TESMIN: variants seen among roughly 807,000 people sequenced by gnomAD.
TESMIN encodes the protein testis expressed metallothionein like protein.
A neutral mutation model predicts 47.4 loss-of-function variants in TESMIN; 34 were observed. The ratio of observed to expected loss-of-function variants is 0.72; its 90% CI spans 0.55 to 0.96. TESMIN has a LOEUF of 0.96. Among genes scored for constraint, TESMIN ranks in the 40% least tolerant of loss-of-function variants. TESMIN has a pLI of 0.00. For synonymous variants in TESMIN, 278 were observed against 258.9 expected, an observed-to-expected ratio of 1.07 and a Z score of -0.71; for missense variants, 610 against 637.2, an observed-to-expected ratio of 0.96 and a Z score of 0.46.
At chr11:68,712,080 C>G (rs911188546) in intron 8 of TESMIN, among the ~76,000 whole-genome samples, 1 of 152,204 alleles carries the variant, frequency 6.6e-6, no homozygotes, top group African/African-American at 2.4e-5. Flanking sequence ...AAGCAGGAGG[C>G]TTTATAGAGT....
intron 6 of TESMIN, among the ~76,000 whole-genome samples, chr11:68,726,533 A>C (rs1298804552): frequency 6.6e-6 from 1 of 152,230 alleles, no homozygotes; most frequent in Non-Finnish European, 1.5e-5. Flanking sequence ...CAAGAGATGA[A>C]ACAAACACAG....
chr11:68,724,358 T>A (rs572410857), intron 6 of TESMIN, among the ~76,000 whole-genome samples: 2 of 152,304 alleles, frequency 1.3e-5, no homozygotes, highest in African/African-American at 4.8e-5. Flanking sequence ...AGCAAATCCC[T>A]TAGGAAACTA....
At chr11:68,750,783 GCAGCCAA>G in intron 1 of TESMIN, 84 bp from the exon 2 acceptor site, 1 of 38,020 alleles carries the variant, frequency 2.6e-5, no homozygotes, top group South Asian at 4.7e-4. Flanking sequence ...CAAGGGAGGG[GCAGCCAA>G]GGGAGGGGCG....
chr11:68,746,347 C>T (rs946662508), intron 3 of TESMIN, among the ~76,000 whole-genome samples: 4 of 152,206 alleles, frequency 2.6e-5, no homozygotes, highest in African/African-American at 9.7e-5. Flanking sequence ...TGCTGACCTG[C>T]TTTTAGGGTC....
intron 5 of TESMIN, 75 bp from the exon 6 acceptor site, chr11:68,738,863 TA>T: frequency 7.8e-7 from 1 of 1,278,898 alleles, no homozygotes; most frequent in African/African-American, 1.5e-5. Context: ...GCCCCCTAGA[TA>T]AAAATGATTC....
At chr11:68,733,495 G>A (rs555039834) in intron 6 of TESMIN, among the ~76,000 whole-genome samples, 11 of 152,256 alleles carry the variant, frequency 7.2e-5, no homozygotes, top group Middle Eastern at 3.4e-3. Flanking sequence ...GCTGCTTCTC[G>A]CTGTTTTGGT....
rs1029507538 is a variant in TESMIN, at chr11:68,750,630, G to A, written c.31C>T (p.Pro11Ser). Reference sequence around the variant, plus strand: ...GTCACCATCGCATCCTCGGGGCTGGGCAGCCCGCCCGGCAGAGGGCCCTCC... The same window carrying A: ...GTCACCATCGCATCCTCGGGGCTGGACAGCCCGCCCGGCAGAGGGCCCTCC... MEEGPLPGGL[P>S]SPEDAMVTEL... The change falls in exon 2 of 10, where the codon CCC becomes TCC. Residue 11 changes from proline to serine, a missense_variant. Transcript: ENST00000255087. 1.6e-5 allele frequency: 25 copies of A among 1,577,318 alleles called. No homozygotes were observed. Among genetic ancestry groups the A allele is most frequent in the Non-Finnish European group, 2.2e-5 (25 of 1,159,796 alleles).
chr11:68,708,480 G>C lies in TESMIN; in HGVS notation c.1355C>G (p.Ser452Cys). The C allele has an allele frequency of 6.2e-7, 1 of 1,609,690 alleles. No individual in the cohort carries two copies. ...GCATGTGGCCTCCACCACCTCCCAGGAGATGCATGAGGAAGGCCGCCTGTC... is the reference window on the plus strand; with the variant it reads ...GCATGTGGCCTCCACCACCTCCCAGCAGATGCATGAGGAAGGCCGCCTGTC... ...SHDRRPSSCI[S>C]WEVVEATCAC... The change falls in exon 10 of 10, where the codon TCC (serine) becomes TGC (cysteine). Residue 452 changes from serine (S) to cysteine (C), a missense_variant. Ser to Cys is a moderately radical substitution (Grantham distance 112, BLOSUM62 -1). Transcript: ENST00000255087.
chr11:68,735,634 C>T (rs1362974396), intron 6 of TESMIN, among the ~76,000 whole-genome samples: 3 of 152,210 alleles, frequency 2.0e-5, no homozygotes, highest in African/African-American at 7.2e-5. Context: ...GAATAATCAA[C>T]CAGCACACTG....
chr11:68,738,859 T>C lies in TESMIN; in HGVS notation c.829-71A>G, dbSNP rs1946422874. On this transcript the variant is annotated intron_variant, in intron 5 of 9. Transcript: ENST00000255087. ...TTAAAGTTCCAGTCAGCCAGCCCCC[T>C]AGATAAAAATGATTCTTTTTTTCCC... 2.3e-6 allele frequency: 3 copies of C among 1,312,178 alleles called. No homozygotes were observed. In the Admixed American group the frequency reaches 5.6e-5, roughly 24 times the overall value. 81.3% of individuals were successfully genotyped at this position (1,312,178 alleles called of 1,614,324 possible).
intron 6 of TESMIN, chr11:68,736,393 C>T (rs1409513676): frequency 1.0e-6 from 1 of 985,342 alleles, no homozygotes; most frequent in Non-Finnish European, 1.2e-6. Context: ...CTAAGCTGAA[C>T]TGCTTCTATG....
intron 6 of TESMIN, chr11:68,737,053 A>C: frequency 1.0e-6 from 1 of 985,456 alleles, no homozygotes; most frequent in Non-Finnish European, 1.2e-6. Flanking sequence ...TATTGACCAG[A>C]TGCCCCCAGA....
intron 5 of TESMIN, among the ~76,000 whole-genome samples, chr11:68,741,097 C>T (rs923017333): frequency 6.6e-6 from 1 of 152,180 alleles, no homozygotes; most frequent in Non-Finnish European, 1.5e-5. Context: ...CCTCCACTGC[C>T]ACCACCTGAT....
intron 6 of TESMIN, among the ~76,000 whole-genome samples, chr11:68,716,776 C>A (rs1220896058): frequency 1.3e-5 from 2 of 152,238 alleles, no homozygotes; most frequent in Non-Finnish European, 2.9e-5. Context: ...CTCCTTAACT[C>A]ATGTGAAAAT....
At chr11:68,711,295 C>T (rs1201642011) in intron 8 of TESMIN, among the ~76,000 whole-genome samples, 7 of 107,202 alleles carry the variant, frequency 6.5e-5, no homozygotes, top group East Asian at 3.4e-4. Flanking sequence ...GTGTGTTGAG[C>T]GTGTATATGA....
intron 6 of TESMIN, among the ~76,000 whole-genome samples, chr11:68,722,676 C>T (rs1285964803): frequency 6.6e-6 from 1 of 152,084 alleles, no homozygotes. Flanking sequence ...ACACCTAAAA[C>T]AAAACTGCCA....
At chr11:68,749,790 C>T (rs762172041) in intron 2 of TESMIN, among the ~76,000 whole-genome samples, 2 of 152,098 alleles carry the variant, frequency 1.3e-5, no homozygotes, top group Admixed American at 1.3e-4. Flanking sequence ...AACACGCCAA[C>T]CCTCCACCAC....
intron 4 of TESMIN, among the ~76,000 whole-genome samples, chr11:68,742,914 T>C (rs1014418489): frequency 6.6e-6 from 1 of 152,096 alleles, no homozygotes; most frequent in Non-Finnish European, 1.5e-5. Context: ...TCTTGCTCTG[T>C]TGCCCAGGCT....
At chr11:68,727,632 T>C (rs1183468400) in intron 6 of TESMIN, among the ~76,000 whole-genome samples, 1 of 152,222 alleles carries the variant, frequency 6.6e-6, no homozygotes, top group Non-Finnish European at 1.5e-5. Flanking sequence ...CTCATTTTAT[T>C]GCACTTTGTT....
Sources: gnomAD v4.1 joint callset for allele counts (sites outside exome capture counted in the v4.1 genomes callset) on GRCh38, gnomAD v4.1.1 for gene constraint, MANE v1.5 for transcripts, NCBI Gene and HGNC (gene_info 2026-07-23, HGNC 2026-07-21) for gene names.